Variants in CROT observed in about 807,000 individuals in gnomAD.
CROT encodes the protein peroxisomal carnitine O-octanoyltransferase.
A neutral mutation model predicts 89.2 loss-of-function variants in CROT; 84 were observed. That is an observed-to-expected ratio of 0.94 (90% CI 0.79 to 1.13). CROT has a LOEUF of 1.13. Ranked by LOEUF, CROT falls within the 50% of genes most tolerant of loss-of-function variation. The pLI is 0.00. For synonymous variants in CROT, 212 were observed against 239.5 expected, an observed-to-expected ratio of 0.89 and a Z score of 1.06; for missense variants, 711 against 727.8, an observed-to-expected ratio of 0.98 and a Z score of 0.27.
At chr7:87,397,599 T>C (rs1429673082) in intron 17 of CROT, among the ~76,000 whole-genome samples, 1 of 152,212 alleles carries the variant, frequency 6.6e-6, no homozygotes, top group African/African-American at 2.4e-5. Flanking sequence ...GGGAATTCCA[T>C]GCCAAGTGTA....
rs368157132 is a variant in CROT, at chr7:87,382,408, G to C, written c.1171-5G>C. ...TCACCGTTCTCATTTAATTCTTCTT[G>C]TTAGGCATCTGATCTACAGATTGCG... On this transcript the variant is annotated splice_region_variant and splice_polypyrimidine_tract_variant and intron_variant, in intron 12 of 17. Coordinates refer to ENST00000331536, the MANE Select transcript of CROT (RefSeq NM_021151.4). The C allele has an allele frequency of 6.2e-7, 1 of 1,608,692 alleles. No homozygotes were observed. The highest frequency in any genetic ancestry group is 1.3e-5 in the African/African-American group (1 of 74,484).
rs143172549 is a variant in CROT, at chr7:87,392,948, C to A, written c.1599C>A (p.Ser533Arg). The change falls in exon 17 of 18, where the codon AGC becomes AGA. Residue 533 changes from serine (S) to arginine (R), a missense_variant and splice_region_variant. Ser to Arg is a moderately radical substitution (Grantham distance 110). Transcript: ENST00000331536. ...AATGTTCTTTTATTGTGCCACACAG[C>A]GGAGGAGGTGGAAATTTTGTTCTCT... ...ELFTDPLFSK[S>R]GGGGNFVLST... 1,032 of 1,613,496 alleles carry A rather than the reference C, an allele frequency of 6.4e-4. 10 individuals carry two copies. In the East Asian group the frequency reaches 0.02, roughly 31 times the overall value.
At chr7:87,357,183 A>G (rs1584622396) in intron 3 of CROT, among the ~76,000 whole-genome samples, 1 of 152,348 alleles carries the variant, frequency 6.6e-6, no homozygotes, top group East Asian at 1.9e-4. Context: ...AAGCTGCAGT[A>G]AAGCAAAGGC....
intron 12 of CROT, 51 bp downstream of exon 12, chr7:87,382,232 C>T: frequency 6.7e-7 from 1 of 1,498,406 alleles, no homozygotes; most frequent in South Asian, 1.2e-5. Flanking sequence ...CTTTTAACAA[C>T]CATATGTAAA....
intron 3 of CROT, among the ~76,000 whole-genome samples, chr7:87,358,495 A>AG (rs909525270): frequency 2.0e-5 from 3 of 151,468 alleles, no homozygotes; most frequent in African/African-American, 7.3e-5. Context: ...AAAAAAAAAA[A>AG]AAAAAGAAAA....
intron 13 of CROT, among the ~76,000 whole-genome samples, chr7:87,388,026 A>ACAG (rs1807235667): frequency 6.6e-6 from 1 of 152,120 alleles, no homozygotes; most frequent in African/African-American, 2.4e-5. Flanking sequence ...TGGTGGGTCT[A>ACAG]TTACTGGGGA....
intron 13 of CROT, among the ~76,000 whole-genome samples, chr7:87,390,644 AAG>A (rs1807329357): frequency 6.6e-6 from 1 of 152,178 alleles, no homozygotes; most frequent in Admixed American, 6.5e-5. Flanking sequence ...ATAAGAAAGT[AAG>A]AGAGTTTTAT....
chr7:87,358,200 G>A (rs959452334), intron 3 of CROT, among the ~76,000 whole-genome samples: 9 of 152,028 alleles, frequency 5.9e-5, no homozygotes, highest in Non-Finnish European at 8.8e-5. Context: ...AGTACAGGCC[G>A]TGCGCAGTGC....
intron 9 of CROT, among the ~76,000 whole-genome samples, 153 bp from the exon 10 acceptor site, chr7:87,377,196 A>C (rs1364408928): frequency 6.6e-6 from 1 of 152,156 alleles, no homozygotes; most frequent in Non-Finnish European, 1.5e-5. Flanking sequence ...TTTGCATATC[A>C]CATATCAGTG....
intron 3 of CROT, among the ~76,000 whole-genome samples, chr7:87,357,853 A>G (rs918231892): frequency 1.3e-5 from 2 of 152,216 alleles, no homozygotes; most frequent in African/African-American, 4.8e-5. Flanking sequence ...ACATAACTGT[A>G]ATTATCTTGA....
intron 6 of CROT, among the ~76,000 whole-genome samples, chr7:87,368,202 C>A (rs113650439): frequency 3.3e-5 from 5 of 152,182 alleles, no homozygotes; most frequent in South Asian, 2.1e-4. Context: ...ATTTACATGG[C>A]GTACTTTCTC....
chr7:87,356,693 G>T (rs184265617), intron 3 of CROT, among the ~76,000 whole-genome samples: 1 of 152,196 alleles, frequency 6.6e-6, no homozygotes, highest in Admixed American at 6.5e-5. Flanking sequence ...TTTAACATGG[G>T]GTGTAAAAGC....
intron 6 of CROT, among the ~76,000 whole-genome samples, chr7:87,366,090 A>T (rs1806437715): frequency 6.6e-6 from 1 of 152,052 alleles, no homozygotes; most frequent in Middle Eastern, 3.2e-3. Context: ...GCTCTGATCT[A>T]CCCTCACGAC....
In CROT at chr7:87,398,862, A is replaced by G. The variant is rs1009944449; in HGVS notation, c.*218A>G. ...TTTAAGCTCCTCTGATGCAGCAGCAATGCAAATTATGACATAGTGAATATA... is the reference window on the plus strand; with the variant it reads ...TTTAAGCTCCTCTGATGCAGCAGCAGTGCAAATTATGACATAGTGAATATA... On this transcript the variant is annotated 3_prime_UTR_variant, in exon 18 of 18. Coordinates refer to ENST00000331536, the MANE Select transcript of CROT (RefSeq NM_021151.4). 3.0e-5 allele frequency: 16 copies of G among 527,524 alleles called. No individual in the cohort carries two copies. The highest frequency in any genetic ancestry group is 5.4e-5 in the Non-Finnish European group (16 of 296,846). The allele number at this position is 527,524 out of a possible 1,614,324, so 32.7% of individuals were successfully genotyped here.
At position 87,393,027 on chromosome 7, in the gene CROT, C is replaced by A; in HGVS notation, c.1678C>A (p.His560Asn). 1.2e-6 allele frequency: 2 copies of A among 1,613,294 alleles called. No individual in the cohort carries two copies. The highest frequency in any genetic ancestry group is 1.7e-6 in the Non-Finnish European group (2 of 1,179,376). The change falls in exon 17 of 18, where the codon CAC (histidine) becomes AAC (asparagine). Residue 560 changes from histidine (H) to asparagine (N), a missense_variant. Transcript: ENST00000331536. Reference sequence around the variant, plus strand: ...CCAGGGAGTGGTAGTTCCCATGGTACACAATGGTTATGGATTTTTCTACCA... The same window carrying A: ...CCAGGGAGTGGTAGTTCCCATGGTAAACAATGGTTATGGATTTTTCTACCA... ...RVQGVVVPMV[H>N]NGYGFFYHIR...
At chr7:87,375,787 T>A in intron 8 of CROT, 41 bp from the exon 9 acceptor site, 2 of 1,612,702 alleles carry the variant, frequency 1.2e-6, no homozygotes, top group East Asian at 4.5e-5. Flanking sequence ...ATGTATTGTA[T>A]TTCAGTTGTA....
In CROT at chr7:87,396,101, T is replaced by C. The variant is rs560566723; in HGVS notation, c.1719-2423T>C. 2.0e-5 allele frequency among the ~76,000 whole-genome samples: 3 copies of C among 152,154 alleles called. No individual in the cohort carries two copies. The South Asian group carries it at 6.2e-4, about 32-fold the overall frequency. ...GAAATCATGAAAGAGATTGTCGATA[T>C]GGCAAAAAAAAGTGGAGGGTGAAGG... On this transcript the variant is annotated intron_variant, in intron 17 of 17. Transcript: ENST00000331536.
intron 13 of CROT, 133 bp downstream of exon 13, chr7:87,382,676 T>G: frequency 2.4e-6 from 2 of 820,336 alleles, no homozygotes; most frequent in Non-Finnish European, 3.8e-6. Flanking sequence ...CTATTTGTAC[T>G]TCCATCAATA....
intron 13 of CROT, among the ~76,000 whole-genome samples, chr7:87,382,798 C>T (rs1807063194): frequency 6.6e-6 from 1 of 152,100 alleles, no homozygotes; most frequent in Non-Finnish European, 1.5e-5. Context: ...GAGGATTGGT[C>T]ATCTTTGGCA....
Sources: gnomAD v4.1 joint callset for allele counts (sites outside exome capture counted in the v4.1 genomes callset) on GRCh38, gnomAD v4.1.1 for gene constraint, MANE v1.5 for transcripts, NCBI Gene and HGNC (gene_info 2026-07-23, HGNC 2026-07-21) for gene names.